The following TXLNB variants were observed in gnomAD, a reference collection of about 807,000 sequenced individuals.
TXLNB encodes beta-taxilin.
In TXLNB, 37 loss-of-function variants were observed where a neutral mutation model predicts 57.4. The ratio of observed to expected loss-of-function variants is 0.64; its 90% CI spans 0.50 to 0.85. The LOEUF (loss-of-function observed/expected upper bound fraction) is 0.85, where lower values mean the gene tolerates loss of function less well. Ranked by LOEUF, TXLNB falls within the 40% of genes least tolerant of loss-of-function variation. The pLI is 0.00. For missense variants in TXLNB, 848 were observed against 825.6 expected, an observed-to-expected ratio of 1.03 and a Z score of -0.33; for synonymous variants, 302 against 309.6, an observed-to-expected ratio of 0.98 and a Z score of 0.26.
the TXLNB span, chr6:139,167,467 A>G: frequency 2.9e-6 from 2 of 700,852 alleles, no homozygotes; most frequent in Non-Finnish European, 4.6e-6. Flanking sequence ...TGAATATTTC[A>G]GCTTCGCCCA....
chr6:139,253,350 A>T (rs1449050853), intron 7 of TXLNB, among the ~76,000 whole-genome samples: 1 of 152,216 alleles, frequency 6.6e-6, no homozygotes, highest in Non-Finnish European at 1.5e-5. Context: ...TTGCTGAGCA[A>T]GAGGTGAAGT....
chr6:139,295,247 T>G (rs554664125), upstream of TXLNB, among the ~76,000 whole-genome samples: 5 of 152,266 alleles, frequency 3.3e-5, no homozygotes, highest in East Asian at 9.6e-4. Context: ...AAACTGTGAC[T>G]CCCAAGAATT....
At chr6:139,284,357 G>A (rs1442742657) in intron 2 of TXLNB, among the ~76,000 whole-genome samples, 2 of 143,906 alleles carry the variant, frequency 1.4e-5, no homozygotes, top group African/African-American at 2.6e-5. Context: ...ATGAAACCCC[G>A]TCTCTACTAA....
At chr6:139,260,493 G>A in intron 5 of TXLNB, 56 bp from the exon 6 acceptor site, 1 of 1,570,856 alleles carries the variant, frequency 6.4e-7, no homozygotes. Flanking sequence ...GCTTAAAAAT[G>A]CAAAGTAAAA....
intron 2 of TXLNB, among the ~76,000 whole-genome samples, chr6:139,286,077 G>A (rs1206491472): frequency 6.6e-6 from 1 of 152,152 alleles, no homozygotes; most frequent in Non-Finnish European, 1.5e-5. Context: ...GTAGGAGAGT[G>A]GATCTGGAGT....
intron 7 of TXLNB, among the ~76,000 whole-genome samples, chr6:139,249,265 G>T (rs1279523569): frequency 6.6e-6 from 1 of 152,186 alleles, no homozygotes; most frequent in Non-Finnish European, 1.5e-5. Flanking sequence ...TCTTGTCTTT[G>T]AAAATAATAT....
At chr6:139,186,800 C>T in the TXLNB span, among the ~76,000 whole-genome samples, 5 of 152,182 alleles carry the variant, frequency 3.3e-5, no homozygotes, top group Non-Finnish European at 7.4e-5. Context: ...ACAGATTCTT[C>T]ATACATGCAA....
the TXLNB span, among the ~76,000 whole-genome samples, chr6:139,216,287 T>C: frequency 1.3e-4 from 19 of 151,560 alleles, no homozygotes; most frequent in Admixed American, 1.1e-3. Context: ...TGGAATACTA[T>C]GCAGCCATAA....
At chr6:139,223,752 T>C in the TXLNB span, among the ~76,000 whole-genome samples, 1 of 152,096 alleles carries the variant, frequency 6.6e-6, no homozygotes, top group African/African-American at 2.4e-5. Context: ...TGAGATACCA[T>C]TTCACACCAG....
At chr6:139,250,035 G>A (rs1014129314) in intron 7 of TXLNB, among the ~76,000 whole-genome samples, 2 of 150,908 alleles carry the variant, frequency 1.3e-5, no homozygotes, top group Non-Finnish European at 1.5e-5. Flanking sequence ...TTTCTTTTAA[G>A]AGACAGTCTG....
chr6:139,237,534 A>G (rs1296143216), downstream of TXLNB: 1 of 151,976 alleles, frequency 6.6e-6, no homozygotes, highest in African/African-American at 2.4e-5. Flanking sequence ...AAAGAAAAGA[A>G]AAAGAAATGA....
the TXLNB span, among the ~76,000 whole-genome samples, chr6:139,300,417 T>C: frequency 6.6e-6 from 1 of 152,230 alleles, no homozygotes; most frequent in South Asian, 2.1e-4. Context: ...CTTAGACTCC[T>C]GCTACCTTGC....
At chr6:139,285,295 CA>C (rs1777146160) in intron 2 of TXLNB, among the ~76,000 whole-genome samples, 3 of 142,252 alleles carry the variant, frequency 2.1e-5, no homozygotes, top group Non-Finnish European at 4.6e-5. Flanking sequence ...CACACACACA[CA>C]CACACACACC....
chr6:139,323,410 G>T, the TXLNB span, among the ~76,000 whole-genome samples: 2 of 151,678 alleles, frequency 1.3e-5, no homozygotes, highest in Non-Finnish European at 2.9e-5. Context: ...AGCCTCCCGA[G>T]TAACTGGGAC....
the TXLNB span, among the ~76,000 whole-genome samples, chr6:139,300,373 A>G: frequency 6.6e-6 from 1 of 152,166 alleles, no homozygotes; most frequent in Non-Finnish European, 1.5e-5. Flanking sequence ...AACAGCAGAG[A>G]TGGTCAACAG....
the TXLNB span, among the ~76,000 whole-genome samples, chr6:139,207,494 G>A: frequency 1.3e-5 from 2 of 152,132 alleles, no homozygotes; most frequent in African/African-American, 4.8e-5. Flanking sequence ...GTGCTAAGAG[G>A]AAAGTTCATA....
At chr6:139,321,321 T>C in the TXLNB span, among the ~76,000 whole-genome samples, 3 of 152,260 alleles carry the variant, frequency 2.0e-5, no homozygotes, top group Non-Finnish European at 4.4e-5. Context: ...CAAAAGAGGC[T>C]CCAGAGAGTT....
the TXLNB span, among the ~76,000 whole-genome samples, chr6:139,232,260 T>C: frequency 5.9e-5 from 9 of 152,118 alleles, no homozygotes; most frequent in African/African-American, 1.9e-4. Context: ...CAAACACTTA[T>C]AAACATCTCA....
At chr6:139,271,549 C>A (rs1776764107) in intron 3 of TXLNB, 1 of 152,082 alleles carries the variant, frequency 6.6e-6, no homozygotes, top group Non-Finnish European at 1.5e-5. Flanking sequence ...TAATTTTTAG[C>A]GTAAGTATTA....
Sources: gnomAD v4.1 joint callset for allele counts (sites outside exome capture counted in the v4.1 genomes callset) on GRCh38, gnomAD v4.1.1 for gene constraint, MANE v1.5 for transcripts, NCBI Gene and HGNC (gene_info 2026-07-23, HGNC 2026-07-21) for gene names.